Variants in SPON1 observed in about 807,000 individuals in gnomAD.
SPON1 encodes spondin 1.
In SPON1, 52 loss-of-function variants were observed where a neutral mutation model predicts 111.7. The observed-to-expected ratio is 0.47, with a 90% CI of 0.37 to 0.59. The LOEUF is 0.59. Ranked by LOEUF, SPON1 falls within the 20% of genes least tolerant of loss-of-function variation. SPON1 has a pLI of 0.00. For synonymous variants in SPON1, 410 were observed against 395.8 expected (o/e 1.04, Z -0.43); for missense variants, 957 against 1,068.5 (o/e 0.90, Z 1.46).
chr11:14,238,595 G>A (rs1256194406), intron 6 of SPON1, among the ~76,000 whole-genome samples: 1 of 152,170 alleles, frequency 6.6e-6, no homozygotes, highest in South Asian at 2.1e-4. Context: ...TTATCTCCTG[G>A]TATTGATGTA....
At chr11:14,140,779 T>G (rs374080639) in intron 6 of SPON1, among the ~76,000 whole-genome samples, 1 of 152,168 alleles carries the variant, frequency 6.6e-6, no homozygotes. Context: ...ACTTTGTATT[T>G]TCTTCTCCTG....
At chr11:13,998,374 G>T (rs536301564) in intron 2 of SPON1, among the ~76,000 whole-genome samples, 47 of 152,224 alleles carry the variant, frequency 3.1e-4, no homozygotes, top group Non-Finnish European at 5.7e-4. Context: ...ATCCTTTCTG[G>T]GTTATTCCAG....
chr11:14,230,837 A>C (rs1383537756), intron 6 of SPON1, among the ~76,000 whole-genome samples: 4 of 151,320 alleles, frequency 2.6e-5, no homozygotes, highest in African/African-American at 9.7e-5. Context: ...CACCCAGACT[A>C]GGGTGCAGTG....
intron 5 of SPON1, among the ~76,000 whole-genome samples, chr11:14,110,837 C>T (rs1554925396): frequency 2.6e-5 from 4 of 152,220 alleles, no homozygotes; most frequent in African/African-American, 4.8e-5. Context: ...TTTTATCAGC[C>T]ATCTAGGCAT....
intron 1 of SPON1, among the ~76,000 whole-genome samples, chr11:13,967,877 C>G (rs782228919): frequency 6.6e-6 from 1 of 152,110 alleles, no homozygotes; most frequent in South Asian, 2.1e-4. Flanking sequence ...ATAGCTAATG[C>G]TTAATGGTTG....
chr11:14,066,311 A>G (rs1473085572), intron 3 of SPON1, among the ~76,000 whole-genome samples: 1 of 152,216 alleles, frequency 6.6e-6, no homozygotes, highest in Non-Finnish European at 1.5e-5. Flanking sequence ...GGATTAGACA[A>G]ATATCTCTTT....
Position 14,055,607 on chromosome 11 carries a change from C to T in SPON1, c.479+13953C>T, listed in dbSNP as rs1395814608. ...ATAAACATGTACCAAAAACTACTGG[C>T]TGTTGCTTGTTGCTTGCCACCTTGG... On this transcript the variant is annotated intron_variant, in intron 3 of 15. Coordinates refer to ENST00000576479, the MANE Select transcript of SPON1 (RefSeq NM_006108.4). 2.0e-5 allele frequency among the ~76,000 whole-genome samples: 3 copies of T among 152,342 alleles called. No homozygotes were observed. The East Asian group carries it at 5.8e-4, about 29-fold the overall frequency.
At chr11:14,196,248 G>A (rs1227140028) in intron 6 of SPON1, among the ~76,000 whole-genome samples, 1 of 152,164 alleles carries the variant, frequency 6.6e-6, no homozygotes, top group Admixed American at 6.5e-5. Flanking sequence ...ACAGGTGCAT[G>A]GAAACGTCCA....
At chr11:14,209,687 G>A (rs1189933779) in intron 6 of SPON1, among the ~76,000 whole-genome samples, 3 of 152,198 alleles carry the variant, frequency 2.0e-5, no homozygotes, top group African/African-American at 4.8e-5. Flanking sequence ...TTGGTTCCAA[G>A]TCTTTGCTAT....
At chr11:14,058,412 G>A (rs1393444281) in intron 3 of SPON1, among the ~76,000 whole-genome samples, 1 of 152,138 alleles carries the variant, frequency 6.6e-6, no homozygotes, top group African/African-American at 2.4e-5. Context: ...GGGCCTCCCC[G>A]AGAGAAGCAC....
At chr11:13,986,150 A>G (rs2133783557) in intron 2 of SPON1, among the ~76,000 whole-genome samples, 1 of 152,330 alleles carries the variant, frequency 6.6e-6, no homozygotes, top group African/African-American at 2.4e-5. Context: ...ATGAAGCCTA[A>G]GGAGTCCTCC....
chr11:14,036,721 G>A (rs565478751), intron 2 of SPON1, among the ~76,000 whole-genome samples: 28 of 152,258 alleles, frequency 1.8e-4, no homozygotes, highest in African/African-American at 6.5e-4. Context: ...CAGAACAGGA[G>A]AGGGTTTACG....
At chr11:14,050,560 C>G (rs1176066487) in intron 3 of SPON1, among the ~76,000 whole-genome samples, 1 of 151,912 alleles carries the variant, frequency 6.6e-6, no homozygotes, top group African/African-American at 2.4e-5. Context: ...ATCAGGAACT[C>G]GAAAATTATT....
intron 3 of SPON1, among the ~76,000 whole-genome samples, chr11:14,045,347 G>C (rs573524529): frequency 6.6e-6 from 1 of 152,004 alleles, no homozygotes; most frequent in Non-Finnish European, 1.5e-5. Context: ...AGCCGAGAGG[G>C]GGGCAGATCG....
At chr11:14,177,798 G>T (rs1554933263) in intron 6 of SPON1, among the ~76,000 whole-genome samples, 1 of 152,128 alleles carries the variant, frequency 6.6e-6, no homozygotes, top group African/African-American at 2.4e-5. Flanking sequence ...AGTTAGTTCA[G>T]CCTACACCCA....
At chr11:14,011,393 A>G (rs782389963) in intron 2 of SPON1, among the ~76,000 whole-genome samples, 1 of 107,192 alleles carries the variant, frequency 9.3e-6, no homozygotes, top group Non-Finnish European at 2.5e-5. Flanking sequence ...GTACTGTGTC[A>G]TCAGAAAAAT....
chr11:13,991,729 C>A (rs993956302), intron 2 of SPON1, among the ~76,000 whole-genome samples: 2 of 152,160 alleles, frequency 1.3e-5, no homozygotes, highest in South Asian at 2.1e-4. Context: ...TACCTTTGGT[C>A]TTTGATGTTG....
intron 5 of SPON1, among the ~76,000 whole-genome samples, chr11:14,114,200 TC>T (rs1393764689): frequency 2.0e-5 from 3 of 152,142 alleles, no homozygotes; most frequent in African/African-American, 7.2e-5. Context: ...TTCCCTTCTG[TC>T]CCCCTACTAG....
chr11:14,139,350 A>G (rs982936020), intron 6 of SPON1, among the ~76,000 whole-genome samples: 2 of 152,104 alleles, frequency 1.3e-5, no homozygotes, highest in Non-Finnish European at 2.9e-5. Context: ...ATTCTGTACT[A>G]AATTGATCTT....
Sources: allele counts gnomAD v4.1 joint callset (sites outside exome capture counted in the v4.1 genomes callset), GRCh38; gene constraint gnomAD v4.1.1; transcripts MANE v1.5; gene names NCBI Gene and HGNC (gene_info 2026-07-23, HGNC 2026-07-21).